The following ATPAF2 variants were observed in gnomAD, a reference collection of about 807,000 sequenced individuals.
ATPAF2 encodes the protein ATP12 homolog.
Under a neutral mutation model 36.6 loss-of-function variants are expected in ATPAF2, and 30 were observed. That is an observed-to-expected ratio of 0.82 (90% CI 0.61 to 1.11). The LOEUF is 1.11. Ranked by LOEUF, ATPAF2 falls within the 50% of genes most tolerant of loss-of-function variation. The pLI, the probability that ATPAF2 is intolerant of heterozygous loss-of-function variation, is 0.00. For synonymous variants in ATPAF2, 140 were observed against 152.6 expected, an observed-to-expected ratio of 0.92 and a Z score of 0.61; for missense variants, 321 against 372.3, an observed-to-expected ratio of 0.86 and a Z score of 1.13.
chr17:18,031,042 G>A (rs1471289648), intron 1 of ATPAF2, among the ~76,000 whole-genome samples: 10 of 134,244 alleles, frequency 7.4e-5, no homozygotes, highest in East Asian at 6.8e-4. Flanking sequence ...GCGCGATCTC[G>A]GTTCACTGCA....
downstream of ATPAF2, chr17:18,015,875 T>G: frequency 1.6e-6 from 1 of 613,248 alleles, no homozygotes; most frequent in Non-Finnish European, 2.8e-6. Context: ...CCCTGTGCAG[T>G]TGGGGAAGCG....
At chr17:18,027,331 G>A (rs1438680307) in intron 3 of ATPAF2, among the ~76,000 whole-genome samples, 1 of 152,004 alleles carries the variant, frequency 6.6e-6, no homozygotes, top group Non-Finnish European at 1.5e-5. Context: ...GGTTGTCAAG[G>A]ACCAGGCCAA....
At chr17:18,015,944 C>G, downstream of ATPAF2, 3 of 1,057,840 alleles carry the variant, frequency 2.8e-6, no homozygotes, top group Non-Finnish European at 4.2e-6. Flanking sequence ...AAGGTGGGCT[C>G]TGCTCTGAGT....
downstream of ATPAF2, chr17:18,015,982 A>G: frequency 1.3e-6 from 2 of 1,512,490 alleles, no homozygotes; most frequent in Non-Finnish European, 1.8e-6. Context: ...GGGACTTCCA[A>G]ATGCTCCTTC....
chr17:18,017,582 C>CA (rs1049015542), downstream of ATPAF2, among the ~76,000 whole-genome samples: 2 of 152,262 alleles, frequency 1.3e-5, no homozygotes, highest in African/African-American at 2.4e-5. Flanking sequence ...GTCACCCCCG[C>CA]AGCCCTGGTG....
intron 7 of ATPAF2, among the ~76,000 whole-genome samples, chr17:18,020,324 T>A (rs2044451160): frequency 6.6e-6 from 1 of 152,252 alleles, no homozygotes; most frequent in African/African-American, 2.4e-5. Context: ...GCCAGCCAGA[T>A]AAAATGTCAG....
chr17:18,035,610 G>A (rs1415617687), intron 1 of ATPAF2, among the ~76,000 whole-genome samples: 1 of 152,180 alleles, frequency 6.6e-6, no homozygotes, highest in Non-Finnish European at 1.5e-5. Context: ...TTTCTGCAAA[G>A]AATCAGATAG....
At chr17:18,020,916 C>T in intron 7 of ATPAF2, 1 of 1,315,582 alleles carries the variant, frequency 7.6e-7, no homozygotes, top group Non-Finnish European at 9.9e-7. Flanking sequence ...CCTCCTCAGC[C>T]ACCCAAAGTG....
chr17:18,020,605 G>A (rs971625214), intron 7 of ATPAF2: 2 of 156,288 alleles, frequency 1.3e-5, no homozygotes, highest in Non-Finnish European at 2.8e-5. Context: ...GCTGCTGAGA[G>A]GAGGTGAGAT....
At chr17:18,034,794 G>A (rs554545536) in intron 1 of ATPAF2, among the ~76,000 whole-genome samples, 5 of 149,952 alleles carry the variant, frequency 3.3e-5, no homozygotes, top group South Asian at 2.3e-4. Context: ...TCATAGTAGC[G>A]TTATTCATAT....
At position 18,039,159 on chromosome 17, in the gene ATPAF2, T is replaced by C; in HGVS notation, c.-146A>G. The C allele has an allele frequency of 8.4e-7, 1 of 1,194,342 alleles. No homozygotes were observed. Among genetic ancestry groups the C allele is most frequent in the Non-Finnish European group, 1.2e-6 (1 of 842,254 alleles). The allele number at this position is 1,194,342 out of a possible 1,614,324, so 74.0% of individuals were successfully genotyped here. The stretch of plus-strand genomic sequence containing the variant: ...CCTCAACCTCCCTTGGACGCCGCCA[T>C]CTTCCGCATGACACCTACGGCGCGC... On this transcript the variant is annotated 5_prime_UTR_variant, in exon 1 of 8. It removes an upstream start codon present in the reference 5' UTR. Coordinates refer to ENST00000474627, the MANE Select transcript of ATPAF2 (RefSeq NM_145691.4). The surrounding 1 kb of genome is among the most constrained non-coding windows in gnomAD (Gnocchi z 5.3).
At chr17:18,018,792 G>A (rs2044423387) in intron 7 of ATPAF2, 106 bp from the exon 8 acceptor site, 1 of 1,544,338 alleles carries the variant, frequency 6.5e-7, no homozygotes, top group Non-Finnish European at 8.9e-7. Context: ...CAACAGGTTT[G>A]TATCTTGCCA....
chr17:18,022,514 G>C (rs1210736014), intron 5 of ATPAF2, among the ~76,000 whole-genome samples: 1 of 151,490 alleles, frequency 6.6e-6, no homozygotes, highest in African/African-American at 2.4e-5. Context: ...GGACTCACGC[G>C]ATCTGCCAAC....
chr17:18,027,456 G>A, intron 3 of ATPAF2, among the ~76,000 whole-genome samples: 1 of 152,182 alleles, frequency 6.6e-6, no homozygotes, highest in Admixed American at 6.5e-5. Flanking sequence ...TGCCCAGTCA[G>A]TGCTGGGGAC....
intron 3 of ATPAF2, chr17:18,026,839 G>T: frequency 4.6e-6 from 1 of 217,572 alleles, no homozygotes; most frequent in Non-Finnish European, 9.3e-6. Flanking sequence ...TATTAGTGAT[G>T]GAGCTCAAAT....
intron 5 of ATPAF2, among the ~76,000 whole-genome samples, chr17:18,024,305 C>A (rs2044511687): frequency 6.6e-6 from 1 of 152,180 alleles, no homozygotes; most frequent in Non-Finnish European, 1.5e-5. Context: ...GGATTCAAAC[C>A]GACACTGCTG....
chr17:18,016,066 T>A, downstream of ATPAF2: 1 of 1,613,354 alleles, frequency 6.2e-7, no homozygotes, highest in Non-Finnish European at 8.5e-7. Context: ...CTCACCAGCT[T>A]TTTGTCGATA....
intron 1 of ATPAF2, among the ~76,000 whole-genome samples, chr17:18,032,722 C>G (rs1366879068): frequency 6.6e-6 from 1 of 152,118 alleles, no homozygotes; most frequent in African/African-American, 2.4e-5. Context: ...AGACACTAAA[C>G]CAGGCAAACA....
At chr17:18,033,193 AC>A (rs1285571753) in intron 1 of ATPAF2, among the ~76,000 whole-genome samples, 1 of 151,806 alleles carries the variant, frequency 6.6e-6, no homozygotes, top group Non-Finnish European at 1.5e-5. Flanking sequence ...ACATGGTGAA[AC>A]CCTGTCTCTA....
Sources: gnomAD v4.1 joint callset for allele counts (sites outside exome capture counted in the v4.1 genomes callset) on GRCh38, gnomAD v4.1.1 for gene constraint, Gnocchi (gnomAD v3.1) non-coding constraint, MANE v1.5 for transcripts, NCBI Gene and HGNC (gene_info 2026-07-23, HGNC 2026-07-21) for gene names.